GAPVD1: variants seen among roughly 807,000 people sequenced by gnomAD.
The protein encoded by GAPVD1 is GTPase-activating protein and VPS9 domain-containing protein 1.
GAPVD1 carries 35 observed loss-of-function variants against 155.5 expected under a neutral mutation model. The ratio of observed to expected loss-of-function variants is 0.23; its 90% confidence interval spans 0.17 to 0.30. The LOEUF (loss-of-function observed/expected upper bound fraction) is 0.30, where lower values mean the gene tolerates loss of function less well. Among genes scored for constraint, GAPVD1 ranks in the 10% least tolerant of loss-of-function variants. The pLI is 1.00. For synonymous variants in GAPVD1, 636 were observed against 619.7 expected, an observed-to-expected ratio of 1.03 and a Z score of -0.39; for missense variants, 1,429 against 1,775.7, an observed-to-expected ratio of 0.80 and a Z score of 3.51.
intron 9 of GAPVD1, 35 bp downstream of exon 9, chr9:125,312,647 T>C (rs1564367625): frequency 1.3e-6 from 2 of 1,506,666 alleles, no homozygotes; most frequent in African/African-American, 1.4e-5. Context: ...TCAATATTCA[T>C]GTCTTAGTCC....
intron 2 of GAPVD1, among the ~76,000 whole-genome samples, chr9:125,269,734 T>TG (rs1564247609): frequency 4.3e-5 from 6 of 139,302 alleles, no homozygotes; most frequent in East Asian, 2.1e-4. Flanking sequence ...TTTTTTTTTT[T>TG]GGAGGCAGAG....
At chr9:125,333,537 G>A (rs1248604910) in intron 15 of GAPVD1, among the ~76,000 whole-genome samples, 11 of 140,414 alleles carry the variant, frequency 7.8e-5, no homozygotes, top group Non-Finnish European at 1.5e-4. Context: ...TGCCCAGGCT[G>A]GAGTGCAATG....
intron 2 of GAPVD1, among the ~76,000 whole-genome samples, chr9:125,273,648 A>C (rs1274464159): frequency 6.6e-6 from 1 of 152,024 alleles, no homozygotes; most frequent in African/African-American, 2.4e-5. Flanking sequence ...GTTATGAGCG[A>C]GGTGGGTCTC....
chr9:125,265,577 A>G (rs549476546), intron 1 of GAPVD1, among the ~76,000 whole-genome samples: 10 of 148,568 alleles, frequency 6.7e-5, no homozygotes, highest in Non-Finnish European at 1.2e-4. Flanking sequence ...ATGGCTGGCT[A>G]ATTTTTGTAT....
At chr9:125,315,990 T>C (rs1490347639) in intron 9 of GAPVD1, among the ~76,000 whole-genome samples, 1 of 152,154 alleles carries the variant, frequency 6.6e-6, no homozygotes, top group East Asian at 1.9e-4. Context: ...GACTTGGAAA[T>C]GTTTTGTTTT....
chr9:125,313,307 CTT>C (rs551168378), intron 9 of GAPVD1, among the ~76,000 whole-genome samples: 18 of 137,770 alleles, frequency 1.3e-4, no homozygotes, highest in South Asian at 2.3e-4. Flanking sequence ...TTTTCTTTTT[CTT>C]TTTTTTTTTT....
Position 125,307,820 on chromosome 9 carries a change from A to G in GAPVD1, c.1381A>G (p.Asn461Asp). The G allele has an allele frequency of 6.2e-7, 1 of 1,613,702 alleles. No homozygotes were observed. Among genetic ancestry groups the G allele is most frequent in the Non-Finnish European group, 8.5e-7 (1 of 1,179,586 alleles). ...TAGCAGTTTAGAAATGACTCCCTAC[A>G]ATACACCTCAGCTATCTCCAGCAAC... ...KSSSLEMTPY[N>D]TPQLSPATTP... The change falls in exon 8 of 28, where the codon AAT becomes GAT. Residue 461 changes from asparagine (N) to aspartate (D), a missense_variant. Transcript: ENST00000297933.
chr9:125,281,822 G>A (rs929326107), intron 2 of GAPVD1, among the ~76,000 whole-genome samples: 2 of 151,240 alleles, frequency 1.3e-5, no homozygotes, highest in African/African-American at 4.9e-5. Context: ...AAGATAATTG[G>A]CTTTTTTTTT....
intron 1 of GAPVD1, among the ~76,000 whole-genome samples, chr9:125,263,172 C>T (rs756606005): frequency 4.1e-4 from 62 of 152,264 alleles, no homozygotes; most frequent in African/African-American, 1.4e-3. Context: ...CAATGAGGTC[C>T]GTGCACAAAA....
chr9:125,323,590 G>T (rs1001687430), intron 10 of GAPVD1, among the ~76,000 whole-genome samples: 4 of 152,090 alleles, frequency 2.6e-5, no homozygotes, highest in African/African-American at 9.7e-5. Flanking sequence ...CAGGCATGAG[G>T]CATTGCACCC....
Position 125,332,439 on chromosome 9 carries a change from A to G in GAPVD1, c.2309-71A>G, listed in dbSNP as rs559327779. 2.3e-6 allele frequency: 3 copies of G among 1,295,224 alleles called. 1 individual carries two copies. In the South Asian group the frequency reaches 4.1e-5, roughly 18 times the overall value. The allele number at this position is 1,295,224 out of a possible 1,614,324, so 80.2% of individuals were successfully genotyped here. A position where few individuals can be genotyped will look rare whatever the true frequency, so the allele number is the denominator to read the frequency against. On this transcript the variant is annotated intron_variant, in intron 14 of 27. Coordinates refer to ENST00000297933, the MANE Select transcript of GAPVD1 (RefSeq NM_001282680.3). ...AATTCGAGAATGTTTCAGTTTCTCC[A>G]AATTTCATATACTTTTTGTGTGGAT...
At chr9:125,280,779 GT>G (rs200140074) in intron 2 of GAPVD1, among the ~76,000 whole-genome samples, 1,959 of 152,006 alleles carry the variant, frequency 0.013, 101 homozygotes, top group East Asian at 0.087. Context: ...GTTTCACTGT[GT>G]TAGCCAGGAT....
intron 19 of GAPVD1, 128 bp downstream of exon 19, chr9:125,342,427 T>C: frequency 1.6e-6 from 1 of 635,120 alleles, no homozygotes; most frequent in Non-Finnish European, 2.8e-6. Flanking sequence ...GGGAGTATGT[T>C]CTTCATAGCT....
intron 25 of GAPVD1, 95 bp from the exon 26 acceptor site, chr9:125,359,325 C>A (rs1850590037): frequency 3.9e-6 from 3 of 768,864 alleles, no homozygotes; most frequent in Non-Finnish European, 2.3e-6. Context: ...ATCTAGTCAA[C>A]ATGTTTCACG....
At chr9:125,360,822 A>C in intron 27 of GAPVD1, 97 bp downstream of exon 27, 1 of 873,406 alleles carries the variant, frequency 1.1e-6, no homozygotes, top group Non-Finnish European at 1.9e-6. Flanking sequence ...CTCTTTTCCA[A>C]GTCACAAGCT....
At chr9:125,356,146 C>A (rs536439962) in intron 25 of GAPVD1, among the ~76,000 whole-genome samples, 1 of 152,182 alleles carries the variant, frequency 6.6e-6, no homozygotes, top group Non-Finnish European at 1.5e-5. Context: ...TTAAGTCTTA[C>A]TTATGCTTCA....
intron 2 of GAPVD1, among the ~76,000 whole-genome samples, chr9:125,275,023 G>A (rs1236096341): frequency 1.3e-5 from 2 of 151,924 alleles, no homozygotes; most frequent in African/African-American, 4.8e-5. Flanking sequence ...ATGTCTGATG[G>A]ACATCTTTCT....
chr9:125,346,878 T>C lies in GAPVD1; in HGVS notation c.3106T>C (p.Tyr1036His). 1 of 1,613,674 alleles carries C rather than the reference T, an allele frequency of 6.2e-7. No homozygotes were observed. Among genetic ancestry groups the C allele is most frequent in the Non-Finnish European group, 8.5e-7 (1 of 1,179,654 alleles). Residue 1036 changes from tyrosine (Y) to histidine (H), a missense_variant, in exon 20 of 28, where the codon TAC becomes CAC. Physicochemically the swap from Tyr to His is moderately conservative, Grantham distance 83. This residue lies in a region of GAPVD1 where 699 missense variants were observed against 826.0 expected (regional missense o/e 0.85). Transcript: ENST00000297933. The stretch of plus-strand genomic sequence containing the variant: ...GGTGGCTGAGGATATTCTGGACAAA[T>C]ACAGGAATGCCATTAAACGGACCAG... ...AQVAEDILDK[Y>H]RNAIKRTSPS...
intron 2 of GAPVD1, among the ~76,000 whole-genome samples, chr9:125,294,290 C>T (rs1321516629): frequency 6.6e-6 from 1 of 151,694 alleles, no homozygotes; most frequent in Non-Finnish European, 1.5e-5. Context: ...ATCCACCCGC[C>T]TCCACCTCCC....
Sources: allele counts gnomAD v4.1 joint callset (sites outside exome capture counted in the v4.1 genomes callset), GRCh38; gene constraint gnomAD v4.1.1; regional missense constraint gnomAD v4.1.1; transcripts MANE v1.5; gene names NCBI Gene and HGNC (gene_info 2026-07-23, HGNC 2026-07-21).